The following WFS1 variants were observed in gnomAD, a reference collection of about 807,000 sequenced individuals.
WFS1 encodes the protein wolframin ER transmembrane glycoprotein.
Under a neutral mutation model 68.5 loss-of-function variants are expected in WFS1, and 90 were observed. The observed-to-expected ratio is 1.31, with a 90% confidence interval of 1.11 to 1.56. The LOEUF is 1.56. Among genes scored for constraint, WFS1 ranks in the 40% most tolerant of loss-of-function variants. WFS1 has a pLI of 0.00. For missense variants in WFS1, 1,767 were observed against 1,232.6 expected, an observed-to-expected ratio of 1.43 and a Z score of -6.49; for synonymous variants, 860 against 540.7, an observed-to-expected ratio of 1.59 and a Z score of -8.19.
rs748353498 is a variant in WFS1, at chr4:6,300,809, C to G, written c.1014C>G (p.Ile338Met). Residue 338 changes from isoleucine to methionine, a missense_variant, in exon 8 of 8, where the codon ATC becomes ATG. Physicochemically the swap from Ile to Met is conservative, Grantham distance 10 (BLOSUM62 1). Coordinates refer to ENST00000226760, the MANE Select transcript of WFS1 (RefSeq NM_006005.3). ...TCTTCATCGTCAGCAACCTCACCATCGACTTCTTCGCCTTCTTCATCCCGC... is the reference window on the plus strand; with the variant it reads ...TCTTCATCGTCAGCAACCTCACCATGGACTTCTTCGCCTTCTTCATCCCGC... The part of the protein sequence containing the change: ...IFFFIVSNLT[I>M]DFFAFFIPLV... 3.7e-6 allele frequency: 6 copies of G among 1,614,062 alleles called. No homozygotes were observed. Among genetic ancestry groups the G allele is most frequent in the Non-Finnish European group, 5.1e-6 (6 of 1,179,948 alleles).
rs753857003 is a variant in WFS1 at position 6,287,761 on chromosome 4, G to A, written c.315+586G>A. On this transcript the variant is annotated intron_variant, in intron 3 of 7. Transcript: ENST00000226760. This position sits in a 1 kb window ranked among gnomAD's most constrained non-coding sequence, Gnocchi z 6.4. ...GGAGAAGCCAGCAGAACGCTGAGACGGGAGGTGGCAGGGGGTCCTGTGTCC... is the reference window on the plus strand; with the variant it reads ...GGAGAAGCCAGCAGAACGCTGAGACAGGAGGTGGCAGGGGGTCCTGTGTCC... 5.3e-5 allele frequency among the ~76,000 whole-genome samples: 8 copies of A among 152,122 alleles called. No homozygotes were observed. The highest frequency in any genetic ancestry group is 8.8e-5 in the Non-Finnish European group (6 of 68,018).
In WFS1 at chr4:6,277,447, C is replaced by T; in HGVS notation, c.-5-4C>T. 1.3e-6 allele frequency: 2 copies of T among 1,551,616 alleles called. No homozygotes were observed. Among genetic ancestry groups the T allele is most frequent in the Admixed American group, 2.0e-5 (1 of 51,168 alleles). On this transcript the variant is annotated splice_region_variant and splice_polypyrimidine_tract_variant and intron_variant, in intron 1 of 7. Transcript: ENST00000226760. ...GATGTGCCTGACCTTGACTTTTCTT[C>T]CAGGCAGGATGGACTCCAACACTGC...
rs1477371498 is a variant in WFS1 at position 6,301,318 on chromosome 4, A to G, written c.1523A>G (p.Tyr508Cys). ...VLNVSVPCLL[Y>C]VYLLYLFFRM... ...AACGTCAGCGTCCCGTGCCTGCTCT[A>G]TGTCTACCTGCTCTATCTCTTCTTC... Residue 508 changes from tyrosine to cysteine, a missense_variant, in exon 8 of 8, where the codon TAT (tyrosine) becomes TGT (cysteine). Transcript: ENST00000226760. 1.2e-6 allele frequency: 2 copies of G among 1,611,384 alleles called. No homozygotes were observed. The highest frequency in any genetic ancestry group is 4.5e-5 in the East Asian group (2 of 44,874).
intron 5 of WFS1, among the ~76,000 whole-genome samples, 177 bp downstream of exon 5, chr4:6,291,544 CCTGTAGAGACCGTG>C (rs1189949592): frequency 1.3e-5 from 2 of 152,160 alleles, no homozygotes; most frequent in Non-Finnish European, 2.9e-5. Flanking sequence ...CCAGAACCTT[CCTGTAGAGACCGTG>C]CCCTAGTGGT....
At chr4:6,288,207 A>G (rs1211971166) in intron 3 of WFS1, among the ~76,000 whole-genome samples, 1 of 126,482 alleles carries the variant, frequency 7.9e-6, no homozygotes, top group African/African-American at 3.3e-5. Flanking sequence ...ACAGAGCAAG[A>G]CTCTGTCTCA....
intron 2 of WFS1, among the ~76,000 whole-genome samples, chr4:6,284,485 T>C (rs112882606): frequency 0.013 from 2,018 of 152,282 alleles, 46 homozygotes; most frequent in African/African-American, 0.045. Context: ...GAAGAATCTT[T>C]TTAGACCACC....
chr4:6,290,611 GTCC>G (rs1304673396), intron 4 of WFS1, among the ~76,000 whole-genome samples: 4 of 152,236 alleles, frequency 2.6e-5, no homozygotes, highest in Non-Finnish European at 5.9e-5. Flanking sequence ...CCCCGTGCCA[GTCC>G]TCCTGCCCTC....
At chr4:6,299,736 AGGTTGCGTGTGTGTGTGTAGGGGTG>A (rs1730793055) in intron 7 of WFS1, among the ~76,000 whole-genome samples, 6 of 29,946 alleles carry the variant, frequency 2.0e-4, no homozygotes, top group South Asian at 1.1e-3. Context: ...GAATGCGGGT[AGGTTGCGTGTGTGTGTGTAGGGGTG>A]GGTTGCGTGT....
intron 2 of WFS1, among the ~76,000 whole-genome samples, chr4:6,282,720 A>G (rs1730203010): frequency 6.6e-6 from 1 of 152,212 alleles, no homozygotes; most frequent in African/African-American, 2.4e-5. Context: ...GGCCCCAGCC[A>G]CTGCCCCTTG....
At chr4:6,274,732 C>T (rs559916841) in intron 1 of WFS1, among the ~76,000 whole-genome samples, 39 of 152,208 alleles carry the variant, frequency 2.6e-4, no homozygotes, top group South Asian at 2.1e-3. Context: ...GAAGAGGGCC[C>T]TGCAGAAACA....
Position 6,300,671 on chromosome 4 carries a change from C to A in WFS1, c.876C>A (p.Pro292=), listed in dbSNP as rs1159812254. The A allele has an allele frequency of 1.2e-6, 2 of 1,613,888 alleles. No individual in the cohort carries two copies. The highest frequency in any genetic ancestry group is 1.7e-6 in the Non-Finnish European group (2 of 1,179,956). ...CTTTCCCCCAGGTGGTCAAGTACCC[C>A]CTGCACGCCATCATGGAGATCAAGG... ...LPLRLKVVKY[P]LHAIMEIKEY... is the part of the protein sequence containing the mutation. The change falls in exon 8 of 8, where the codon CCC becomes CCA. Residue 292 remains proline (P), a synonymous_variant. Transcript: ENST00000226760.
chr4:6,294,983 GAGGGTGGCA>G, intron 6 of WFS1, 49 bp from the exon 7 acceptor site: 1 of 1,612,000 alleles, frequency 6.2e-7, no homozygotes, highest in Non-Finnish European at 8.5e-7. Context: ...TGCTCTGTGT[GAGGGTGGCA>G]GTGGGGCTGC....
chr4:6,297,614 G>C (rs760391044), intron 7 of WFS1, among the ~76,000 whole-genome samples: 8 of 152,240 alleles, frequency 5.3e-5, no homozygotes, highest in African/African-American at 1.9e-4. Context: ...CCTTCTTCAC[G>C]GGTCCGCTGG....
rs780240556 is a variant in WFS1 at position 6,301,203 on chromosome 4, C to T, written c.1408C>T (p.Leu470=). 6.8e-6 allele frequency: 11 copies of T among 1,612,192 alleles called. No individual in the cohort carries two copies. The highest frequency in any genetic ancestry group is 8.5e-6 in the Non-Finnish European group (10 of 1,179,980). The change falls in exon 8 of 8, where the codon CTG becomes TTG. Residue 470 remains leucine (L), a synonymous_variant. Coordinates refer to ENST00000226760, the MANE Select transcript of WFS1 (RefSeq NM_006005.3). Reference sequence around the variant, plus strand: ...CGAGGTCACCGCCGGCCTGCTATCGCTGCTGCCCTCCATGCCCTTGAATTG... The same window carrying T: ...CGAGGTCACCGCCGGCCTGCTATCGTTGCTGCCCTCCATGCCCTTGAATTG... The part of the protein sequence containing the change: ...ATEVTAGLLS[L]LPSMPLNWPY...
intron 1 of WFS1, among the ~76,000 whole-genome samples, chr4:6,277,073 A>G (rs900983685): frequency 2.6e-4 from 40 of 152,254 alleles, no homozygotes; most frequent in Middle Eastern, 3.2e-3. Flanking sequence ...GTGGGGCCCA[A>G]TTCAGCCCCC....
rs760897070 is a variant in WFS1 at position 6,301,028 on chromosome 4, T to G, written c.1233T>G (p.Ser411=). 58 of 1,614,060 alleles carry G rather than the reference T, an allele frequency of 3.6e-5. 1 individual carries two copies. In the South Asian group the frequency reaches 6.3e-4, roughly 17 times the overall value. ...HLEPYAHFLL[S]VFFVIFSFPI... is the part of the protein sequence containing the mutation. ...AGCCCTATGCCCATTTCCTGCTCTCTGTCTTCTTCGTCATCTTCTCCTTCC... is the reference window on the plus strand; with the variant it reads ...AGCCCTATGCCCATTTCCTGCTCTCGGTCTTCTTCGTCATCTTCTCCTTCC... The change falls in exon 8 of 8, where the codon TCT becomes TCG. Residue 411 remains serine, a synonymous_variant. Coordinates refer to ENST00000226760, the MANE Select transcript of WFS1 (RefSeq NM_006005.3).
intron 6 of WFS1, 24 bp from the exon 7 acceptor site, chr4:6,295,017 A>G (rs371162304): frequency 3.1e-6 from 5 of 1,612,756 alleles, no homozygotes; most frequent in Middle Eastern, 1.7e-4. Context: ...TGGGGCGCCC[A>G]TGCTGTTTTC....
intron 7 of WFS1, among the ~76,000 whole-genome samples, chr4:6,300,446 C>G (rs1212992661): frequency 1.3e-5 from 2 of 151,844 alleles, no homozygotes; most frequent in Admixed American, 6.6e-5. Flanking sequence ...GGCTCCAGGC[C>G]CAGAAGAGGG....
intron 2 of WFS1, among the ~76,000 whole-genome samples, chr4:6,285,225 T>G (rs1042339225): frequency 1.1e-5 from 1 of 89,674 alleles, no homozygotes. Flanking sequence ...AGAGGGGCAT[T>G]CAGGGAGAGG....
Sources: allele counts gnomAD v4.1 joint callset (sites outside exome capture counted in the v4.1 genomes callset), GRCh38; gene constraint gnomAD v4.1.1; non-coding constraint Gnocchi (gnomAD v3.1); transcripts MANE v1.5; gene names NCBI Gene and HGNC (gene_info 2026-07-23, HGNC 2026-07-21).